LAMC3: variants seen among roughly 807,000 people sequenced by gnomAD.
The protein encoded by LAMC3 is laminin subunit gamma 3.
LAMC3 carries 128 observed loss-of-function variants against 173.8 expected under a neutral mutation model. That is an observed-to-expected ratio of 0.74 (90% CI 0.64 to 0.85). The LOEUF (loss-of-function observed/expected upper bound fraction) is 0.85, where lower values mean the gene tolerates loss of function less well. LAMC3 is among the 40% of genes least tolerant of loss of function. The pLI is 0.00. For synonymous variants in LAMC3, 897 were observed against 909.1 expected, an observed-to-expected ratio of 0.99 and a Z score of 0.24; for missense variants, 2,022 against 2,156.0, an observed-to-expected ratio of 0.94 and a Z score of 1.23.
intron 17 of LAMC3, among the ~76,000 whole-genome samples, chr9:131,070,323 G>C (rs10751515): frequency 0.76 from 115,546 of 152,208 alleles, 44,829 homozygotes; most frequent in Non-Finnish European, 0.84. Flanking sequence ...TGTCTCTTTC[G>C]TACTCCAGAC....
intron 23 of LAMC3, among the ~76,000 whole-genome samples, chr9:131,081,064 C>T (rs1830229594): frequency 6.6e-6 from 1 of 152,190 alleles, no homozygotes; most frequent in Non-Finnish European, 1.5e-5. Context: ...TCCTCATTTC[C>T]ACTTCCGAGG....
chr9:131,071,261 C>T (rs946277259), intron 17 of LAMC3, among the ~76,000 whole-genome samples: 3 of 152,224 alleles, frequency 2.0e-5, no homozygotes, highest in South Asian at 2.1e-4. Context: ...GTGTGGTCAG[C>T]GGTGTCGGCA....
intron 7 of LAMC3, 151 bp downstream of exon 7, chr9:131,041,886 A>G: frequency 1.4e-6 from 1 of 712,050 alleles, no homozygotes; most frequent in Middle Eastern, 3.7e-4. Context: ...CTGGGGCACC[A>G]TGTATCTGTC....
At chr9:131,025,113 C>G (rs1195609265) in intron 1 of LAMC3, among the ~76,000 whole-genome samples, 1 of 152,070 alleles carries the variant, frequency 6.6e-6, no homozygotes, top group Admixed American at 6.5e-5. Context: ...AGATACTTCC[C>G]AGCTCGAACT....
Position 131,093,351 on chromosome 9 carries a change from C to G in LAMC3, c.*1564C>G, listed in dbSNP as rs1156508744. 1 of 149,938 alleles carries G rather than the reference C, an allele frequency of 6.7e-6. No individual in the cohort carries two copies. 9.3% of individuals were successfully genotyped at this position (149,938 alleles called of 1,614,324 possible). ...CCTCAGCTGACCTCTGGTTCAGGCT[C>G]GAGACGAACTCACAGCCAAGTGTCC... On this transcript the variant is annotated 3_prime_UTR_variant, in exon 28 of 28. Transcript: ENST00000361069.
At position 131,026,544 on chromosome 9, in the gene LAMC3, G is replaced by C; in HGVS notation, c.633G>C (p.Glu211Asp). The C allele has an allele frequency of 6.2e-7, 1 of 1,609,948 alleles. No homozygotes were observed. The highest frequency in any genetic ancestry group is 1.1e-5 in the South Asian group (1 of 90,718). Residue 211 changes from glutamate (E) to aspartate (D), a missense_variant, in exon 2 of 28, where the codon GAG becomes GAC. Physicochemically the swap from Glu to Asp is conservative, Grantham distance 45. Transcript: ENST00000361069. The surrounding 1 kb of genome is among the most constrained non-coding windows in gnomAD (Gnocchi z 4.8). The stretch of plus-strand genomic sequence containing the variant: ...GCAACGTGGCCTTCTCCACCCTGGA[G>C]GGCCGGCCCAGCGCCTACAACTTCG... ...SGGNVAFSTL[E>D]GRPSAYNFEE...
intron 20 of LAMC3, among the ~76,000 whole-genome samples, chr9:131,074,070 C>T (rs891265346): frequency 1.3e-5 from 2 of 151,662 alleles, no homozygotes; most frequent in African/African-American, 4.8e-5. Context: ...CCTCAGCCTC[C>T]CAAGTAGCTA....
intron 1 of LAMC3, among the ~76,000 whole-genome samples, chr9:131,014,438 C>T (rs1833482590): frequency 6.6e-6 from 1 of 152,234 alleles, no homozygotes; most frequent in Non-Finnish European, 1.5e-5. Flanking sequence ...TGGAAAACCC[C>T]TCACCCCTCT....
chr9:131,087,444 T>A, intron 25 of LAMC3, 32 bp from the exon 26 acceptor site: 2 of 1,613,294 alleles, frequency 1.2e-6, no homozygotes, highest in Non-Finnish European at 1.7e-6. Context: ...TGCACTCACT[T>A]CTTCTCCCTG....
rs1188476434 is a variant in LAMC3 at position 131,009,416 on chromosome 9, G to A, written c.202G>A (p.Ala68Thr). The A allele has an allele frequency of 2.6e-6, 4 of 1,541,178 alleles. No individual in the cohort carries two copies. The highest frequency in any genetic ancestry group is 1.2e-5 in the South Asian group (1 of 83,828). The change falls in exon 1 of 28, where the codon GCG (alanine) becomes ACG (threonine). Residue 68 changes from alanine to threonine, a missense_variant. By Grantham distance (58) the Ala-to-Thr change is moderately conservative (BLOSUM62 0). Transcript: ENST00000361069. The surrounding 1 kb of genome is among the most constrained non-coding windows in gnomAD (Gnocchi z 4.3). ...PEDFCPHVGAAGAGAHCQRCD... is the reference protein window; with the variant it reads ...PEDFCPHVGATGAGAHCQRCD... ...GGACTTCTGTCCCCACGTGGGCGCC[G>A]CGGGCGCGGGGGCTCATTGCCAGCG...
intron 1 of LAMC3, among the ~76,000 whole-genome samples, chr9:131,023,888 T>C (rs1269013543): frequency 6.6e-6 from 1 of 152,206 alleles, no homozygotes; most frequent in Non-Finnish European, 1.5e-5. Context: ...TCTTTTTGAG[T>C]TGTAAGAATT....
At chr9:131,080,702 C>T (rs920634107) in intron 23 of LAMC3, among the ~76,000 whole-genome samples, 7 of 152,068 alleles carry the variant, frequency 4.6e-5, no homozygotes, top group Non-Finnish European at 7.4e-5. Flanking sequence ...CGGGGTAGCA[C>T]CTGCTGATCT....
intron 23 of LAMC3, 140 bp from the exon 24 acceptor site, chr9:131,081,918 TC>T: frequency 1.5e-6 from 1 of 687,374 alleles, no homozygotes; most frequent in Non-Finnish European, 2.7e-6. Context: ...GATCAGGTGC[TC>T]CTGGTGGACA....
At chr9:131,052,454 T>G in intron 9 of LAMC3, 37 bp from the exon 10 acceptor site, 1 of 1,532,854 alleles carries the variant, frequency 6.5e-7, no homozygotes, top group East Asian at 2.2e-5. Context: ...AAGCTAACCA[T>G]ATGAAGACTG....
rs1468593789 is a variant in LAMC3 at position 131,079,260 on chromosome 9, GC to G, written c.3892del (p.Gln1298ArgfsTer21). 1 of 1,614,194 alleles carries G rather than the reference GC, an allele frequency of 6.2e-7. No individual in the cohort carries two copies. Among genetic ancestry groups the G allele is most frequent in the Non-Finnish European group, 8.5e-7 (1 of 1,180,036 alleles). ...GGCTGCCCGAACCCTCCAGACTGCT[GC>G]CCAGGCGACGCTACGGCAAACAGAA... is the stretch of plus-strand genomic sequence containing the variant. ...TEAARTLQTA[A>X]QATLRQTEPL... On this transcript the variant is annotated frameshift_variant, in exon 23 of 28. Transcript: ENST00000361069. LOFTEE classifies it high-confidence loss of function.
intron 11 of LAMC3, among the ~76,000 whole-genome samples, chr9:131,055,951 A>C (rs752893773): frequency 6.0e-4 from 91 of 152,050 alleles, no homozygotes; most frequent in Non-Finnish European, 1.1e-3. Flanking sequence ...TAATTCCAGC[A>C]CTTTGGGAGG....
At chr9:131,069,580 C>T (rs533558518) in intron 16 of LAMC3, 92 bp from the exon 17 acceptor site, 44 of 1,339,314 alleles carry the variant, frequency 3.3e-5, no homozygotes, top group Non-Finnish European at 4.5e-5. Flanking sequence ...ACACCCAGAA[C>T]CCAGCACGCA....
In LAMC3 at chr9:131,067,130, G is replaced by C; in HGVS notation, c.2518G>C (p.Gly840Arg). ...HCLRCLHNTT[G>R]DHCEHCQEGF... ...CCTGCGCTGCCTGCACAACACCACG[G>C]GTGACCACTGTGAGCACTGTCAGGA... Residue 840 changes from glycine (G) to arginine (R), a missense_variant, in exon 14 of 28, where the codon GGT becomes CGT. Gly to Arg is a moderately radical substitution (Grantham distance 125). Coordinates refer to ENST00000361069, the MANE Select transcript of LAMC3 (RefSeq NM_006059.4). The C allele has an allele frequency of 6.2e-7, 1 of 1,614,150 alleles. No homozygotes were observed.
chr9:131,067,624 C>T (rs953436504), intron 14 of LAMC3, among the ~76,000 whole-genome samples: 1 of 152,216 alleles, frequency 6.6e-6, no homozygotes, highest in Admixed American at 6.5e-5. Flanking sequence ...CACTGATGTG[C>T]TTGGAGCCCT....
Sources: allele counts gnomAD v4.1 joint callset (sites outside exome capture counted in the v4.1 genomes callset), GRCh38; gene constraint gnomAD v4.1.1; non-coding constraint Gnocchi (gnomAD v3.1); transcripts MANE v1.5; gene names NCBI Gene and HGNC (gene_info 2026-07-23, HGNC 2026-07-21).